Variants in SDK1 observed in about 807,000 individuals in gnomAD.
The protein encoded by SDK1 is sidekick cell adhesion molecule 1, also known as protein sidekick-1.
In SDK1, 157 loss-of-function variants were observed where a neutral mutation model predicts 245.5. That is an observed-to-expected ratio of 0.64 (90% CI 0.56 to 0.73). The LOEUF is 0.73. Among genes scored for constraint, SDK1 ranks in the 30% least tolerant of loss-of-function variants. The pLI, the probability that SDK1 is intolerant of heterozygous loss-of-function variation, is 0.00. For synonymous variants in SDK1, 1,647 were observed against 1,278.5 expected (o/e 1.29, Z -6.15); for missense variants, 3,583 against 3,002.3 (o/e 1.19, Z -4.52).
chr7:4,043,632 C>T (rs76663373), intron 17 of SDK1, among the ~76,000 whole-genome samples: 5,955 of 152,308 alleles, frequency 0.039, 173 homozygotes, highest in Non-Finnish European at 0.053. Flanking sequence ...GATGCAGGAC[C>T]AGAACTTGAC....
At chr7:3,540,607 C>T (rs1779028153) in intron 1 of SDK1, among the ~76,000 whole-genome samples, 1 of 152,174 alleles carries the variant, frequency 6.6e-6, no homozygotes, top group Non-Finnish European at 1.5e-5. Context: ...ATGGGGAAGT[C>T]AGAGAACACA....
At chr7:3,403,842 TATATATA>T (rs1322197811) in intron 1 of SDK1, among the ~76,000 whole-genome samples, 4 of 80,738 alleles carry the variant, frequency 5.0e-5, no homozygotes, top group Non-Finnish European at 8.4e-5. Flanking sequence ...TATATATATA[TATATATA>T]TATATATATA....
At chr7:3,368,813 T>C (rs562725538) in intron 1 of SDK1, among the ~76,000 whole-genome samples, 3 of 152,296 alleles carry the variant, frequency 2.0e-5, no homozygotes, top group Admixed American at 2.0e-4. Flanking sequence ...TGACATGTAT[T>C]AGGAACTGAA....
chr7:4,140,268 C>G (rs1321486175), intron 28 of SDK1, among the ~76,000 whole-genome samples: 1 of 152,186 alleles, frequency 6.6e-6, no homozygotes, highest in African/African-American at 2.4e-5. Flanking sequence ...CTGGGCCCAC[C>G]TCAGCTGACC....
At chr7:3,677,843 C>T (rs1457004630) in intron 4 of SDK1, among the ~76,000 whole-genome samples, 2 of 152,160 alleles carry the variant, frequency 1.3e-5, no homozygotes, top group East Asian at 3.8e-4. Context: ...TATATTCACA[C>T]ATGGATAACC....
At chr7:3,608,326 C>G (rs950625923) in intron 1 of SDK1, among the ~76,000 whole-genome samples, 3 of 152,126 alleles carry the variant, frequency 2.0e-5, no homozygotes, top group African/African-American at 7.2e-5. Flanking sequence ...GTTGTCCGAG[C>G]TGGGAGTTGA....
intron 1 of SDK1, among the ~76,000 whole-genome samples, chr7:3,322,161 G>A (rs1316261583): frequency 3.3e-5 from 5 of 151,948 alleles, no homozygotes; most frequent in African/African-American, 9.7e-5. Flanking sequence ...AGTCCCATAC[G>A]TATTAAGCAG....
intron 5 of SDK1, among the ~76,000 whole-genome samples, chr7:3,931,519 A>T (rs1259404778): frequency 6.6e-6 from 1 of 152,236 alleles, no homozygotes; most frequent in Non-Finnish European, 1.5e-5. Flanking sequence ...TAAGTAAACA[A>T]CTGCGTAGCT....
chr7:3,434,848 C>A (rs532874011), intron 1 of SDK1, among the ~76,000 whole-genome samples: 2 of 152,120 alleles, frequency 1.3e-5, no homozygotes, highest in Non-Finnish European at 2.9e-5. Context: ...GCCAAGACTC[C>A]TCATTGAGCC....
intron 32 of SDK1, among the ~76,000 whole-genome samples, chr7:4,169,299 C>G (rs1048980690): frequency 6.6e-6 from 1 of 152,202 alleles, no homozygotes; most frequent in Admixed American, 6.5e-5. Context: ...GGGAATGACC[C>G]GGCACTTGGG....
At chr7:4,044,332 T>C (rs899454930) in intron 17 of SDK1, among the ~76,000 whole-genome samples, 23 of 152,242 alleles carry the variant, frequency 1.5e-4, no homozygotes, top group African/African-American at 5.1e-4. Context: ...TGCTAGTTTA[T>C]TAGGACCTGG....
intron 1 of SDK1, among the ~76,000 whole-genome samples, chr7:3,471,397 C>G (rs934178239): frequency 6.6e-6 from 1 of 152,114 alleles, no homozygotes; most frequent in Non-Finnish European, 1.5e-5. Flanking sequence ...TTATTTCTTT[C>G]TGCAAAATCA....
intron 35 of SDK1, among the ~76,000 whole-genome samples, chr7:4,189,672 C>T (rs1783080104): frequency 6.6e-6 from 1 of 152,184 alleles, no homozygotes; most frequent in South Asian, 2.1e-4. Flanking sequence ...GAAACCCCAT[C>T]TCTACTAAAA....
chr7:4,003,178 T>G (rs1054619918), intron 14 of SDK1, among the ~76,000 whole-genome samples: 2 of 152,284 alleles, frequency 1.3e-5, no homozygotes, highest in South Asian at 4.1e-4. Flanking sequence ...TACACACAGA[T>G]CTGCTCTTCT....
At chr7:3,869,400 C>T (rs1318579560) in intron 5 of SDK1, among the ~76,000 whole-genome samples, 1 of 152,086 alleles carries the variant, frequency 6.6e-6, no homozygotes, top group Non-Finnish European at 1.5e-5. Context: ...AGGTGATCTG[C>T]CTGCCTCGGC....
intron 1 of SDK1, among the ~76,000 whole-genome samples, chr7:3,483,615 TTTC>T (rs1182652157): frequency 1.3e-5 from 2 of 152,208 alleles, no homozygotes; most frequent in African/African-American, 4.8e-5. Flanking sequence ...ATATCCTTGT[TTTC>T]TTCTTCATTT....
rs144160581 is a variant in SDK1, at chr7:4,148,135, G to A, written c.4424-1127G>A. On this transcript the variant is annotated intron_variant, in intron 29 of 44. Transcript: ENST00000404826. ...CAAGAGAGCCTTTGAAACGGGATACGCTGGGCCACCTCCCCTCCGGAGACC... is the reference window on the plus strand; with the variant it reads ...CAAGAGAGCCTTTGAAACGGGATACACTGGGCCACCTCCCCTCCGGAGACC... 6.2e-4 allele frequency among the ~76,000 whole-genome samples: 95 copies of A among 152,236 alleles called. No individual in the cohort carries two copies. The East Asian group carries it at 0.016, about 25-fold the overall frequency.
At chr7:3,877,691 C>A (rs1005764949) in intron 5 of SDK1, among the ~76,000 whole-genome samples, 3 of 152,190 alleles carry the variant, frequency 2.0e-5, no homozygotes, top group African/African-American at 7.2e-5. Flanking sequence ...TAAAGCATAT[C>A]TTTTCAAACT....
In SDK1 at chr7:4,000,627, C is replaced by G. The variant is rs144182387; in HGVS notation, c.2132-10339C>G. Among the ~76,000 whole-genome samples the G allele has an allele frequency of 5.6e-3, 850 of 152,332 alleles. 10 individuals are homozygous for G. The highest frequency in any genetic ancestry group is 0.019 in the African/African-American group (786 of 41,578). On this transcript the variant is annotated intron_variant, in intron 14 of 44. Transcript: ENST00000404826. ...TGTCACCGCACAATCTGTTCAACAT[C>G]TCCATCCCCTGTTGCTATTATGGAC... is the stretch of plus-strand genomic sequence containing the variant.
Sources: allele counts gnomAD v4.1 joint callset (sites outside exome capture counted in the v4.1 genomes callset), GRCh38; gene constraint gnomAD v4.1.1; transcripts MANE v1.5; gene names NCBI Gene and HGNC (gene_info 2026-07-23, HGNC 2026-07-21).